The following DIP2C variants were observed in gnomAD, a reference collection of about 807,000 sequenced individuals.
The protein encoded by DIP2C is disco-interacting protein 2 homolog C.
In DIP2C, 33 loss-of-function variants were observed where a neutral mutation model predicts 192.4. The ratio of observed to expected loss-of-function variants is 0.17; its 90% CI spans 0.13 to 0.23. The LOEUF is 0.23. Among genes scored for constraint, DIP2C ranks in the 10% least tolerant of loss-of-function variants. The pLI is 1.00. For synonymous variants in DIP2C, 979 were observed against 864.1 expected (o/e 1.13, Z -2.33); for missense variants, 1,537 against 2,110.1 (o/e 0.73, Z 5.32).
intron 22 of DIP2C, among the ~76,000 whole-genome samples, chr10:359,036 G>A (rs1959193257): frequency 6.6e-6 from 1 of 152,148 alleles, no homozygotes; most frequent in African/African-American, 2.4e-5. Flanking sequence ...ATTAGTTACT[G>A]CACAAGCAGG....
chr10:508,945 A>C (rs975014644), intron 1 of DIP2C, among the ~76,000 whole-genome samples: 29 of 152,134 alleles, frequency 1.9e-4, no homozygotes, highest in Non-Finnish European at 7.4e-5. Context: ...GCCACCTGGC[A>C]CCTCTTGGAT....
rs1456733253 is a variant in DIP2C, at chr10:654,051, A to G, written c.85+35443T>C. 2.0e-5 allele frequency among the ~76,000 whole-genome samples: 3 copies of G among 152,342 alleles called. No individual in the cohort carries two copies. The East Asian group carries it at 5.8e-4, about 29-fold the overall frequency. ...CCCATCCACCCCTCAGGAGGTCCCC[A>G]GCCAAGTCCAATAAGGAAATGACCC... On this transcript the variant is annotated intron_variant, in intron 1 of 36. Transcript: ENST00000280886.
At chr10:555,635 C>T (rs573841800) in intron 1 of DIP2C, among the ~76,000 whole-genome samples, 4 of 152,280 alleles carry the variant, frequency 2.6e-5, no homozygotes, top group African/African-American at 9.6e-5. Flanking sequence ...TATCTGGGGA[C>T]CAGCCACGTG....
intron 1 of DIP2C, among the ~76,000 whole-genome samples, chr10:556,685 A>G (rs1302897381): frequency 6.6e-6 from 1 of 151,820 alleles, no homozygotes; most frequent in Non-Finnish European, 1.5e-5. Flanking sequence ...CCACACTTCC[A>G]TTTCAGGATA....
At chr10:593,659 G>A (rs549007370) in intron 1 of DIP2C, among the ~76,000 whole-genome samples, 21 of 152,182 alleles carry the variant, frequency 1.4e-4, no homozygotes, top group East Asian at 9.7e-4. Flanking sequence ...GGGATGTCAC[G>A]GGCGGGGTCC....
chr10:552,385 C>G (rs574442055), intron 1 of DIP2C, among the ~76,000 whole-genome samples: 2 of 152,116 alleles, frequency 1.3e-5, no homozygotes, highest in Non-Finnish European at 2.9e-5. Flanking sequence ...GAAGTCCCTG[C>G]CAAGTAAAAG....
chr10:540,484 C>A (rs1394057726), intron 1 of DIP2C, among the ~76,000 whole-genome samples: 1 of 152,216 alleles, frequency 6.6e-6, no homozygotes, highest in Non-Finnish European at 1.5e-5. Context: ...TCAAGACAGT[C>A]TTGAGTCCTC....
chr10:410,244 C>T (rs1965097465), intron 8 of DIP2C, among the ~76,000 whole-genome samples: 1 of 152,194 alleles, frequency 6.6e-6, no homozygotes, highest in Non-Finnish European at 1.5e-5. Context: ...TAGGACACTT[C>T]CCGGTCATAC....
At chr10:619,934 C>T (rs547881428) in intron 1 of DIP2C, among the ~76,000 whole-genome samples, 79 of 152,334 alleles carry the variant, frequency 5.2e-4, no homozygotes, top group Admixed American at 1.8e-3. Flanking sequence ...AACAGCTGCA[C>T]GTGGCAAGTG....
chr10:564,337 C>T (rs1056698545), intron 1 of DIP2C, among the ~76,000 whole-genome samples: 2 of 152,112 alleles, frequency 1.3e-5, no homozygotes, highest in Non-Finnish European at 2.9e-5. Context: ...AACCACAGAT[C>T]ACCCTCCCCA....
At chr10:373,373 T>A (rs2132816043) in intron 17 of DIP2C, among the ~76,000 whole-genome samples, 1 of 152,304 alleles carries the variant, frequency 6.6e-6, no homozygotes. Context: ...AAGTTTAGAC[T>A]CCTAGATATG....
At chr10:595,932 G>A (rs903848026) in intron 1 of DIP2C, among the ~76,000 whole-genome samples, 2 of 152,138 alleles carry the variant, frequency 1.3e-5, no homozygotes, top group Non-Finnish European at 2.9e-5. Flanking sequence ...AGAAAGCGGA[G>A]GAAAAAGCTT....
rs555733323 is a variant in DIP2C at position 286,876 on chromosome 10, C to T, written c.4045-529G>A. 7.7e-4 allele frequency among the ~76,000 whole-genome samples: 117 copies of T among 152,222 alleles called. 1 individual carries two copies. The highest frequency in any genetic ancestry group is 2.6e-3 in the African/African-American group (106 of 41,536). On this transcript the variant is annotated intron_variant, in intron 33 of 36. Coordinates refer to ENST00000280886, the MANE Select transcript of DIP2C (RefSeq NM_014974.3). Reference sequence around the variant, plus strand: ...ACGTTTTCAGGGGTAAGCATGGACTCGAAGATAACCCAAAATGCTTTTGGC... The same window carrying T: ...ACGTTTTCAGGGGTAAGCATGGACTTGAAGATAACCCAAAATGCTTTTGGC...
chr10:430,916 TG>T (rs1456303859), intron 4 of DIP2C, among the ~76,000 whole-genome samples: 11 of 152,246 alleles, frequency 7.2e-5, no homozygotes, highest in African/African-American at 2.7e-4. Flanking sequence ...TGACTAGGTT[TG>T]GTGTTTTTCT....
At chr10:590,664 C>T (rs1337140909) in intron 1 of DIP2C, among the ~76,000 whole-genome samples, 1 of 152,230 alleles carries the variant, frequency 6.6e-6, no homozygotes, top group Admixed American at 6.5e-5. Flanking sequence ...TCCTACACAA[C>T]ACTATATCTC....
At chr10:298,117 T>C (rs555555224) in intron 32 of DIP2C, among the ~76,000 whole-genome samples, 1 of 152,260 alleles carries the variant, frequency 6.6e-6, no homozygotes, top group Non-Finnish European at 1.5e-5. Context: ...CATTTCCCCC[T>C]AATATCCCCT....
intron 1 of DIP2C, among the ~76,000 whole-genome samples, chr10:527,110 C>G (rs1847099481): frequency 6.6e-6 from 1 of 152,232 alleles, no homozygotes; most frequent in African/African-American, 2.4e-5. Flanking sequence ...CCCATCGCAT[C>G]TGGCCTGGAT....
chr10:543,280 G>T (rs1432640406), intron 1 of DIP2C, among the ~76,000 whole-genome samples: 2 of 152,226 alleles, frequency 1.3e-5, no homozygotes, highest in Non-Finnish European at 2.9e-5. Context: ...GCATTTCCGG[G>T]CAAGTGTCTG....
intron 29 of DIP2C, among the ~76,000 whole-genome samples, chr10:337,428 G>T (rs557962056): frequency 1.3e-5 from 2 of 148,474 alleles, no homozygotes; most frequent in South Asian, 2.2e-4. Context: ...GTGTTGTGGA[G>T]GCCTAGGCTG....
Sources: allele counts gnomAD v4.1 joint callset (sites outside exome capture counted in the v4.1 genomes callset), GRCh38; gene constraint gnomAD v4.1.1; transcripts MANE v1.5; gene names NCBI Gene and HGNC (gene_info 2026-07-23, HGNC 2026-07-21).